Variants in FOXP2 observed in about 807,000 individuals in gnomAD.
FOXP2 encodes the protein forkhead box P2.
Under a neutral mutation model 115.8 loss-of-function variants are expected in FOXP2, and 12 were observed. That is an observed-to-expected ratio of 0.10 (90% CI 0.07 to 0.17). The LOEUF (loss-of-function observed/expected upper bound fraction) is 0.17. Among genes scored for constraint, FOXP2 ranks in the 10% least tolerant of loss-of-function variants. The pLI is 1.00. For missense variants in FOXP2, 629 were observed against 843.5 expected (o/e 0.75, Z 3.15); for synonymous variants, 328 against 297.7 (o/e 1.10, Z -1.05).
intron 2 of FOXP2, among the ~76,000 whole-genome samples, chr7:114,493,478 C>T (rs565929850): frequency 3.9e-5 from 6 of 152,236 alleles, no homozygotes; most frequent in African/African-American, 1.2e-4. Flanking sequence ...TCTGTGAAGA[C>T]AGGAGGTATA....
At chr7:114,361,678 A>T (rs1231033264) in intron 2 of FOXP2, among the ~76,000 whole-genome samples, 5 of 152,096 alleles carry the variant, frequency 3.3e-5, no homozygotes, top group Non-Finnish European at 7.4e-5. Flanking sequence ...TACCTTTGAT[A>T]ACATCTCAAG....
intron 2 of FOXP2, among the ~76,000 whole-genome samples, chr7:114,451,250 A>G (rs1174186298): frequency 6.6e-6 from 1 of 152,032 alleles, no homozygotes; most frequent in Non-Finnish European, 1.5e-5. Context: ...TGACACATGT[A>G]TATTTTCATG....
At chr7:114,390,091 T>A (rs1792554692) in intron 2 of FOXP2, among the ~76,000 whole-genome samples, 1 of 149,802 alleles carries the variant, frequency 6.7e-6, no homozygotes, top group African/African-American at 2.5e-5. Context: ...AGGTTTTCTG[T>A]GGTGTAAATA....
intron 2 of FOXP2, among the ~76,000 whole-genome samples, chr7:114,498,180 G>A (rs946318519): frequency 5.3e-5 from 8 of 152,096 alleles, no homozygotes; most frequent in Non-Finnish European, 8.8e-5. Context: ...TTAATAATGG[G>A]AGGAAAAGAC....
At chr7:114,497,532 C>A (rs1002473839) in intron 2 of FOXP2, among the ~76,000 whole-genome samples, 3 of 151,930 alleles carry the variant, frequency 2.0e-5, no homozygotes, top group African/African-American at 7.3e-5. Context: ...ATCTGTAATC[C>A]CAGCTACTAT....
chr7:114,508,509 A>G (rs897416681), intron 2 of FOXP2, among the ~76,000 whole-genome samples: 9 of 152,016 alleles, frequency 5.9e-5, no homozygotes, highest in African/African-American at 1.9e-4. Context: ...GGAGCACAGG[A>G]TGCCTGTACA....
At chr7:114,393,641 C>A (rs1486532603) in intron 2 of FOXP2, among the ~76,000 whole-genome samples, 1 of 151,700 alleles carries the variant, frequency 6.6e-6, no homozygotes, top group African/African-American at 2.4e-5. Context: ...AGTGTCAGAG[C>A]CTCAGCAGCA....
intron 1 of FOXP2, among the ~76,000 whole-genome samples, chr7:114,417,202 G>A (rs1236021863): frequency 6.6e-6 from 1 of 151,874 alleles, no homozygotes; most frequent in Non-Finnish European, 1.5e-5. Flanking sequence ...CATTCTGAAA[G>A]CAGATAATTT....
chr7:114,641,054 T>C (rs1252283717), intron 6 of FOXP2, among the ~76,000 whole-genome samples: 2 of 152,214 alleles, frequency 1.3e-5, no homozygotes, highest in Non-Finnish European at 2.9e-5. Context: ...CTTAATATAG[T>C]ATTTTAATAG....
intron 7 of FOXP2, among the ~76,000 whole-genome samples, chr7:114,644,421 G>A (rs546381941): frequency 6.6e-6 from 1 of 152,196 alleles, no homozygotes; most frequent in East Asian, 1.9e-4. Context: ...CATAAGGCAG[G>A]ATTAGCATAT....
intron 1 of FOXP2, among the ~76,000 whole-genome samples, chr7:114,111,714 A>G (rs539037198): frequency 6.6e-6 from 1 of 152,066 alleles, no homozygotes; most frequent in Non-Finnish European, 1.5e-5. Flanking sequence ...GATTTAAAAA[A>G]ATATATCCTG....
At chr7:114,147,285 G>A (rs1183353904) in intron 1 of FOXP2, among the ~76,000 whole-genome samples, 3 of 152,102 alleles carry the variant, frequency 2.0e-5, no homozygotes, top group Admixed American at 2.0e-4. Context: ...CCTTTTGTAT[G>A]TTGATAACAG....
At chr7:114,118,749 T>C (rs766916837) in intron 1 of FOXP2, among the ~76,000 whole-genome samples, 7 of 152,048 alleles carry the variant, frequency 4.6e-5, no homozygotes, top group Non-Finnish European at 1.0e-4. Context: ...CCTTAGAGTG[T>C]GGAAGACACA....
At chr7:114,335,049 G>T (rs961252991) in intron 2 of FOXP2, among the ~76,000 whole-genome samples, 1 of 149,686 alleles carries the variant, frequency 6.7e-6, no homozygotes, top group Non-Finnish European at 1.5e-5. Context: ...CACTAGATAT[G>T]GTTGCAAAAT....
At chr7:114,260,648 G>A (rs1164938478) in intron 1 of FOXP2, among the ~76,000 whole-genome samples, 5 of 151,828 alleles carry the variant, frequency 3.3e-5, no homozygotes, top group South Asian at 2.1e-4. Flanking sequence ...AGAAAAAAAC[G>A]CATGAACAAC....
At chr7:114,118,029 T>A (rs1791455665) in intron 1 of FOXP2, among the ~76,000 whole-genome samples, 1 of 152,142 alleles carries the variant, frequency 6.6e-6, no homozygotes, top group East Asian at 1.9e-4. Flanking sequence ...TACCTTCTCA[T>A]TGGAGGTTAG....
At chr7:114,125,181 G>C (rs150702837) in intron 1 of FOXP2, among the ~76,000 whole-genome samples, 1 of 152,108 alleles carries the variant, frequency 6.6e-6, no homozygotes, top group East Asian at 1.9e-4. Flanking sequence ...ATCATCTTAT[G>C]ATCATCTTAT....
At chr7:114,453,542 T>C (rs1191930564) in intron 2 of FOXP2, among the ~76,000 whole-genome samples, 2 of 152,160 alleles carry the variant, frequency 1.3e-5, no homozygotes, top group African/African-American at 2.4e-5. Context: ...ACCTTCTTGG[T>C]GGCAAGACAT....
At chr7:114,453,398 C>A (rs1297438700) in intron 2 of FOXP2, among the ~76,000 whole-genome samples, 1 of 152,176 alleles carries the variant, frequency 6.6e-6, no homozygotes, top group East Asian at 1.9e-4. Context: ...TATCTCTTCT[C>A]TGACACATAA....
Sources: gnomAD v4.1 joint callset for allele counts (sites outside exome capture counted in the v4.1 genomes callset) on GRCh38, gnomAD v4.1.1 for gene constraint, MANE v1.5 for transcripts, NCBI Gene and HGNC (gene_info 2026-07-23, HGNC 2026-07-21) for gene names.